The following TYW5 variants were observed in gnomAD, a reference collection of about 807,000 sequenced individuals.
TYW5 encodes tRNA-yW synthesizing protein 5, also known as tRNA wybutosine-synthesizing protein 5.
TYW5 carries 36 observed loss-of-function variants against 44.4 expected under a neutral mutation model. The observed-to-expected ratio is 0.81, with a 90% CI of 0.62 to 1.07. The LOEUF is 1.07. Ranked by LOEUF, TYW5 falls within the 50% of genes least tolerant of loss-of-function variation. TYW5 has a pLI of 0.00. For missense variants in TYW5, 354 were observed against 365.7 expected (o/e 0.97, Z 0.26); for synonymous variants, 121 against 128.1 (o/e 0.94, Z 0.37).
chr2:199,935,719 AACACACACACACACACACACACAC>A (rs142361195), intron 7 of TYW5, among the ~76,000 whole-genome samples, 188 bp downstream of exon 7: 5 of 138,202 alleles, frequency 3.6e-5, no homozygotes, highest in South Asian at 2.4e-4. Context: ...GCCTGCTTTA[AACACACACACACACACACACACAC>A]ACACACACAC....
chr2:199,937,010 T>C (rs866126013), intron 5 of TYW5, among the ~76,000 whole-genome samples: 4 of 152,192 alleles, frequency 2.6e-5, no homozygotes, highest in South Asian at 2.1e-4. Flanking sequence ...TCTTTTTTTT[T>C]CCTTTTCTGC....
chr2:199,934,033 G>C (rs1318857334), intron 7 of TYW5, among the ~76,000 whole-genome samples: 2 of 151,904 alleles, frequency 1.3e-5, no homozygotes, highest in Non-Finnish European at 2.9e-5. Context: ...ATAGGTGCTA[G>C]AGGAATACTA....
At chr2:199,954,710 C>T (rs1442878389) in intron 1 of TYW5, among the ~76,000 whole-genome samples, 1 of 152,168 alleles carries the variant, frequency 6.6e-6, no homozygotes, top group Non-Finnish European at 1.5e-5. Flanking sequence ...CAGGCGTGAG[C>T]CACCGCGCCC....
At chr2:199,950,775 A>T (rs1052472998) in intron 1 of TYW5, among the ~76,000 whole-genome samples, 2 of 152,214 alleles carry the variant, frequency 1.3e-5, no homozygotes, top group African/African-American at 4.8e-5. Context: ...CCTGAACTGA[A>T]ATAAGCAGGT....
chr2:199,951,840 C>T lies in TYW5; in HGVS notation c.79-3368G>A, dbSNP rs1280721995. Among the ~76,000 whole-genome samples the T allele has an allele frequency of 2.6e-5, 4 of 152,000 alleles. No homozygotes were observed. In the South Asian group the frequency reaches 6.2e-4, roughly 24 times the overall value. On this transcript the variant is annotated intron_variant, in intron 1 of 7. Transcript: ENST00000354611. ...GACCATCCTGGCTAACACAGTGAAACCCCATCTCTACTAAAAATACAAAAA... is the reference window on the plus strand; with the variant it reads ...GACCATCCTGGCTAACACAGTGAAATCCCATCTCTACTAAAAATACAAAAA...
chr2:199,929,739 T>A lies in TYW5; in HGVS notation c.*3328A>T, dbSNP rs2077359400. Among the ~76,000 whole-genome samples, 1 of 152,018 alleles carries A rather than the reference T, an allele frequency of 6.6e-6. No individual in the cohort carries two copies. The highest frequency in any genetic ancestry group is 2.1e-4 in the South Asian group (1 of 4,824). ...TGTTTTGGTATTTTATCAAAGTGAG[T>A]TAGAAATTAATTACAGGACAAATAG... On this transcript the variant is annotated 3_prime_UTR_variant, in exon 8 of 8. Transcript: ENST00000354611.
Position 199,948,409 on chromosome 2 carries a change from AAT to A in TYW5, c.140_141del (p.Asp47ValfsTer25). The A allele has an allele frequency of 6.2e-7, 1 of 1,614,170 alleles. No individual in the cohort carries two copies. The highest frequency in any genetic ancestry group is 1.7e-5 in the Admixed American group (1 of 60,032). Reference sequence around the variant, plus strand: ...TTCTTCCCTCCAACTTGGCTTAGGTAATCCACTGTCCATTTGCTTGTACATGG... The same window carrying A: ...TTCTTCCCTCCAACTTGGCTTAGGTACCACTGTCCATTTGCTTGTACATGG... ...LGPCTSKWTV[D>X]YLSQVGGKKE... On this transcript the variant is annotated frameshift_variant, in exon 2 of 8. Transcript: ENST00000354611. LOFTEE classifies it high-confidence loss of function.
chr2:199,936,065 G>C lies in TYW5; in HGVS notation c.575-18C>G, dbSNP rs762971577. The C allele has an allele frequency of 7.3e-7, 1 of 1,368,544 alleles. No individual in the cohort carries two copies. The highest frequency in any genetic ancestry group is 1.0e-6 in the Non-Finnish European group (1 of 970,658). The allele number at this position is 1,368,544 out of a possible 1,614,324, so 84.8% of individuals were successfully genotyped here. A position where few individuals can be genotyped will look rare whatever the true frequency, so the allele number is the denominator to read the frequency against. On this transcript the variant is annotated intron_variant, in intron 6 of 7. Transcript: ENST00000354611. ...TTTAGTACCTAAAAAGTTCCAAAAAGGGATAATATAGATTCAGCAAAGTTA... is the reference window on the plus strand; with the variant it reads ...TTTAGTACCTAAAAAGTTCCAAAAACGGATAATATAGATTCAGCAAAGTTA...
At chr2:199,941,829 T>C (rs1364710301) in intron 3 of TYW5, among the ~76,000 whole-genome samples, 2 of 152,212 alleles carry the variant, frequency 1.3e-5, no homozygotes, top group South Asian at 2.1e-4. Context: ...GATTGGAATC[T>C]AGGTCATGCT....
chr2:199,943,573 C>T (rs2077481786), intron 3 of TYW5, 192 bp downstream of exon 3: 3 of 521,036 alleles, frequency 5.8e-6, no homozygotes, highest in African/African-American at 1.9e-5. Context: ...TACTGAAGTA[C>T]AGAAAAATAA....
chr2:199,949,122 C>A (rs2077525419), intron 1 of TYW5, among the ~76,000 whole-genome samples: 1 of 151,766 alleles, frequency 6.6e-6, no homozygotes, highest in Non-Finnish European at 1.5e-5. Flanking sequence ...CTTTGGGAGG[C>A]CAAGGGTGGA....
At position 199,932,853 on chromosome 2, in the gene TYW5, G is replaced by A; in HGVS notation, c.*214C>T. 1 of 532,462 alleles carries A rather than the reference G, an allele frequency of 1.9e-6. No homozygotes were observed. The highest frequency in any genetic ancestry group is 3.2e-6 in the Non-Finnish European group (1 of 309,956). The allele number at this position is 532,462 out of a possible 1,614,324, so 33.0% of individuals were successfully genotyped here. A position where few individuals can be genotyped will look rare whatever the true frequency, so the allele number is the denominator to read the frequency against. ...TACTGTTTTTAAGTCATTTTAAGTT[G>A]GACTTTTAGTGGTCAGCATCTGAAT... is the stretch of plus-strand genomic sequence containing the variant. On this transcript the variant is annotated 3_prime_UTR_variant, in exon 8 of 8. Coordinates refer to ENST00000354611, the MANE Select transcript of TYW5 (RefSeq NM_001039693.3).
At chr2:199,948,236 T>C in intron 2 of TYW5, 82 bp downstream of exon 2, 1 of 1,423,160 alleles carries the variant, frequency 7.0e-7, no homozygotes, top group Non-Finnish European at 9.8e-7. Flanking sequence ...TGCCATATGG[T>C]CTTTGTATAA....
At chr2:199,951,969 A>G (rs1438645988) in intron 1 of TYW5, among the ~76,000 whole-genome samples, 2 of 151,778 alleles carry the variant, frequency 1.3e-5, no homozygotes, top group African/African-American at 2.4e-5. Context: ...GTGAGCTGAG[A>G]TCGTGCCACT....
chr2:199,935,806 T>G (rs936474599), intron 7 of TYW5, 125 bp downstream of exon 7: 34 of 652,420 alleles, frequency 5.2e-5, no homozygotes, highest in Non-Finnish European at 8.7e-5. Context: ...CTAAAAATCA[T>G]CTTGTATAGG....
chr2:199,948,938 T>G (rs2077523389), intron 1 of TYW5, among the ~76,000 whole-genome samples: 1 of 152,216 alleles, frequency 6.6e-6, no homozygotes, highest in Non-Finnish European at 1.5e-5. Flanking sequence ...ATAATTTTGT[T>G]TTTTGGAACC....
At chr2:199,939,171 G>A (rs1043276238) in intron 4 of TYW5, 101 bp from the exon 5 acceptor site, 3 of 1,046,504 alleles carry the variant, frequency 2.9e-6, no homozygotes, top group African/African-American at 3.2e-5. Flanking sequence ...ATACTATGAT[G>A]TGACCATGTG....
At chr2:199,944,716 G>A (rs2077490878) in intron 2 of TYW5, 1 of 152,194 alleles carries the variant, frequency 6.6e-6, no homozygotes, top group Admixed American at 6.5e-5. Context: ...CTGATTAAAA[G>A]CTGTAATCTT....
intron 2 of TYW5, chr2:199,944,737 C>T (rs1330928831): frequency 6.6e-6 from 1 of 152,216 alleles, no homozygotes; most frequent in Non-Finnish European, 1.5e-5. Flanking sequence ...TTCACTCTTA[C>T]TACTAAATAT....
Sources: gnomAD v4.1 joint callset for allele counts (sites outside exome capture counted in the v4.1 genomes callset) on GRCh38, gnomAD v4.1.1 for gene constraint, MANE v1.5 for transcripts, NCBI Gene and HGNC (gene_info 2026-07-23, HGNC 2026-07-21) for gene names.